PPP3CA: variants seen among roughly 807,000 people sequenced by gnomAD.
PPP3CA encodes protein phosphatase 3 catalytic subunit alpha.
A neutral mutation model predicts 66.5 loss-of-function variants in PPP3CA; 14 were observed. That is an observed-to-expected ratio of 0.21 (90% CI 0.14 to 0.33). PPP3CA has a LOEUF of 0.33. Ranked by LOEUF, PPP3CA falls within the 10% of genes least tolerant of loss-of-function variation. The pLI is 1.00. For synonymous variants in PPP3CA, 232 were observed against 226.2 expected, an observed-to-expected ratio of 1.03 and a Z score of -0.23; for missense variants, 317 against 639.5, an observed-to-expected ratio of 0.50 and a Z score of 5.44.
chr4:101,295,303 G>A (rs1009925122), intron 1 of PPP3CA, among the ~76,000 whole-genome samples: 5 of 105,046 alleles, frequency 4.8e-5, no homozygotes, highest in African/African-American at 1.9e-4. Flanking sequence ...GCGAGACTCC[G>A]TCTCAAAAAA....
At chr4:101,216,932 A>C (rs978904643) in intron 1 of PPP3CA, among the ~76,000 whole-genome samples, 3 of 152,174 alleles carry the variant, frequency 2.0e-5, no homozygotes, top group African/African-American at 7.2e-5. Context: ...ATTTTGACAA[A>C]GAAGCTACTA....
At chr4:101,316,067 C>T (rs931455784) in intron 1 of PPP3CA, among the ~76,000 whole-genome samples, 1 of 151,952 alleles carries the variant, frequency 6.6e-6, no homozygotes, top group Non-Finnish European at 1.5e-5. Flanking sequence ...TCAAAAGTAA[C>T]ATTCAGCACT....
chr4:101,047,703 G>A (rs539316138), intron 10 of PPP3CA, among the ~76,000 whole-genome samples: 9 of 151,944 alleles, frequency 5.9e-5, no homozygotes, highest in Non-Finnish European at 8.8e-5. Context: ...TGATCCTACC[G>A]CCTCAGTCTC....
chr4:101,058,096 A>G (rs1270337033), intron 10 of PPP3CA, among the ~76,000 whole-genome samples: 1 of 152,198 alleles, frequency 6.6e-6, no homozygotes, highest in Non-Finnish European at 1.5e-5. Context: ...TGGTTAAGTG[A>G]GGTCCATGAG....
chr4:101,215,038 C>A (rs1725414326), intron 1 of PPP3CA, among the ~76,000 whole-genome samples: 2 of 151,960 alleles, frequency 1.3e-5, no homozygotes, highest in Admixed American at 6.6e-5. Flanking sequence ...AACAATGTAC[C>A]TCTTTGTTAA....
chr4:101,085,285 CCTGA>C (rs773308296), intron 6 of PPP3CA, among the ~76,000 whole-genome samples: 7 of 152,156 alleles, frequency 4.6e-5, no homozygotes, highest in Non-Finnish European at 7.4e-5. Flanking sequence ...AGACAGGTTG[CCTGA>C]CTATGTCTGT....
intron 8 of PPP3CA, among the ~76,000 whole-genome samples, chr4:101,065,175 A>T (rs1728629847): frequency 7.3e-6 from 1 of 137,728 alleles, no homozygotes; most frequent in Non-Finnish European, 1.5e-5. Context: ...CATGCAAAAT[A>T]AAAAAATCAA....
intron 13 of PPP3CA, 85 bp downstream of exon 13, chr4:101,029,081 G>C: frequency 1.5e-6 from 2 of 1,351,776 alleles, no homozygotes; most frequent in Non-Finnish European, 2.1e-6. Context: ...CACACACTCT[G>C]TACAAGCTAC....
intron 8 of PPP3CA, among the ~76,000 whole-genome samples, chr4:101,066,377 T>G (rs1403985774): frequency 6.6e-6 from 1 of 152,102 alleles, no homozygotes; most frequent in East Asian, 1.9e-4. Context: ...CCTAACTACG[T>G]GGGTTTATAG....
rs529811003 is a variant in PPP3CA, at chr4:101,190,328, G to T, written c.259+5588C>A. Among the ~76,000 whole-genome samples the T allele has an allele frequency of 8.2e-4, 125 of 152,178 alleles. 1 individual carries two copies. The highest frequency in any genetic ancestry group is 1.4e-3 in the Non-Finnish European group (97 of 67,980). ...CCTTCCTGTGAAAACAACAGGCATT[G>T]CTTTACCAAAGGTGCTTAAATATGT... On this transcript the variant is annotated intron_variant, in intron 2 of 13. Transcript: ENST00000394854.
chr4:101,097,313 C>T (rs1560599988), intron 5 of PPP3CA, among the ~76,000 whole-genome samples: 1 of 151,922 alleles, frequency 6.6e-6, no homozygotes, highest in South Asian at 2.1e-4. Context: ...TATTTTCACC[C>T]CTCTGTTCTA....
chr4:101,078,179 T>A (rs1278969834), intron 8 of PPP3CA, among the ~76,000 whole-genome samples: 2 of 152,132 alleles, frequency 1.3e-5, no homozygotes, highest in Non-Finnish European at 2.9e-5. Context: ...TTATAAAAAA[T>A]ATATAAAAGC....
At chr4:101,265,969 G>A (rs1347515465) in intron 1 of PPP3CA, among the ~76,000 whole-genome samples, 4 of 152,112 alleles carry the variant, frequency 2.6e-5, no homozygotes, top group Non-Finnish European at 5.9e-5. Flanking sequence ...AGCATACAGA[G>A]GGATTATGGA....
chr4:101,236,589 G>A (rs1726140019), intron 1 of PPP3CA, among the ~76,000 whole-genome samples: 1 of 151,998 alleles, frequency 6.6e-6, no homozygotes, highest in South Asian at 2.1e-4. Context: ...GTAATGGCCA[G>A]TCCTTTGCCT....
At chr4:101,078,993 C>T (rs1414204098) in intron 8 of PPP3CA, among the ~76,000 whole-genome samples, 1 of 152,202 alleles carries the variant, frequency 6.6e-6, no homozygotes, top group Non-Finnish European at 1.5e-5. Context: ...CTATGCCTTA[C>T]TGATAACCAT....
intron 1 of PPP3CA, among the ~76,000 whole-genome samples, chr4:101,225,616 G>A (rs1725757046): frequency 6.6e-6 from 1 of 151,768 alleles, no homozygotes; most frequent in African/African-American, 2.4e-5. Flanking sequence ...AGGATTTTAT[G>A]TTTAAGGATA....
At chr4:101,166,453 A>G (rs1447162883) in intron 2 of PPP3CA, among the ~76,000 whole-genome samples, 1 of 152,156 alleles carries the variant, frequency 6.6e-6, no homozygotes, top group Non-Finnish European at 1.5e-5. Flanking sequence ...TTGACTCCTT[A>G]GAGTATTTTT....
chr4:101,073,778 G>C (rs1304065350), intron 8 of PPP3CA, among the ~76,000 whole-genome samples: 2 of 152,040 alleles, frequency 1.3e-5, no homozygotes, highest in South Asian at 4.2e-4. Context: ...ATGAATTAGG[G>C]GTTGGGGGGA....
intron 1 of PPP3CA, among the ~76,000 whole-genome samples, chr4:101,239,988 A>G (rs1186065577): frequency 1.3e-5 from 2 of 151,198 alleles, no homozygotes; most frequent in Non-Finnish European, 2.9e-5. Context: ...AAGGGGGTTT[A>G]AAATAAAAAG....
Sources: allele counts gnomAD v4.1 joint callset (sites outside exome capture counted in the v4.1 genomes callset), GRCh38; gene constraint gnomAD v4.1.1; transcripts MANE v1.5; gene names NCBI Gene and HGNC (gene_info 2026-07-23, HGNC 2026-07-21).